Variants in CEP126 observed in about 807,000 individuals in gnomAD.
CEP126 encodes the protein centrosomal protein 126.
A neutral mutation model predicts 107.8 loss-of-function variants in CEP126; 74 were observed. The observed-to-expected ratio is 0.69, with a 90% CI of 0.57 to 0.83. The LOEUF is 0.83. Among genes scored for constraint, CEP126 ranks in the 40% least tolerant of loss-of-function variants. CEP126 has a pLI of 0.00. For missense variants in CEP126, 1,237 were observed against 1,281.9 expected (o/e 0.96, Z 0.53); for synonymous variants, 449 against 446.0 (o/e 1.01, Z -0.08).
intron 2 of CEP126, among the ~76,000 whole-genome samples, chr11:101,928,991 A>C (rs1293548697): frequency 1.3e-5 from 2 of 152,280 alleles, no homozygotes; most frequent in East Asian, 3.9e-4. Context: ...TGACATCTTC[A>C]CTATGTTGGA....
chr11:101,941,205 C>A (rs1940659447), intron 2 of CEP126, among the ~76,000 whole-genome samples: 2 of 152,108 alleles, frequency 1.3e-5, no homozygotes, highest in South Asian at 4.1e-4. Flanking sequence ...ACATTAAGTA[C>A]ATTCATATTG....
intron 8 of CEP126, among the ~76,000 whole-genome samples, 195 bp downstream of exon 8, chr11:101,982,159 T>C (rs1234941230): frequency 1.3e-5 from 2 of 152,238 alleles, no homozygotes; most frequent in Non-Finnish European, 2.9e-5. Context: ...AACATCTTTC[T>C]ACATCAAGTT....
At chr11:101,992,641 G>T in intron 9 of CEP126, 137 bp from the exon 10 acceptor site, 1 of 508,772 alleles carries the variant, frequency 2.0e-6, no homozygotes, top group Admixed American at 4.2e-5. Flanking sequence ...ACTATTTCTG[G>T]GGGTGACTGG....
intron 7 of CEP126, among the ~76,000 whole-genome samples, chr11:101,981,448 A>C (rs1941253036): frequency 6.6e-6 from 1 of 152,000 alleles, no homozygotes; most frequent in Non-Finnish European, 1.5e-5. Flanking sequence ...CACGTGCCAC[A>C]ACTCCTGGCT....
At chr11:101,934,777 C>T (rs1940551748) in intron 2 of CEP126, among the ~76,000 whole-genome samples, 1 of 152,000 alleles carries the variant, frequency 6.6e-6, no homozygotes, top group African/African-American at 2.4e-5. Flanking sequence ...TATTGATAGG[C>T]ATTGGGTTAT....
chr11:101,916,957 A>G (rs773811425), intron 1 of CEP126, among the ~76,000 whole-genome samples: 1 of 152,174 alleles, frequency 6.6e-6, no homozygotes, highest in Admixed American at 6.5e-5. Flanking sequence ...GGCTAAATAT[A>G]TAGTTAAAAT....
intron 2 of CEP126, among the ~76,000 whole-genome samples, chr11:101,934,448 C>T (rs1430464096): frequency 1.3e-5 from 2 of 151,970 alleles, no homozygotes; most frequent in Non-Finnish European, 2.9e-5. Flanking sequence ...TCCTCTAGTA[C>T]CCTGAATTCA....
At chr11:101,925,967 T>C (rs972436036) in intron 2 of CEP126, among the ~76,000 whole-genome samples, 1 of 151,536 alleles carries the variant, frequency 6.6e-6, no homozygotes, top group Non-Finnish European at 1.5e-5. Context: ...CCATACTATA[T>C]TAAAGAAAAT....
chr11:101,962,156 C>A lies in CEP126; in HGVS notation c.1121C>A (p.Pro374Gln). 1 of 1,613,276 alleles carries A rather than the reference C, an allele frequency of 6.2e-7. No individual in the cohort carries two copies. Among genetic ancestry groups the A allele is most frequent in the Non-Finnish European group, 8.5e-7 (1 of 1,179,698 alleles). ...AATTCAGTACCCTTTGTATCTAGCC[C>A]ACCCATGTTTGTACTAGATAAAAAA... is the stretch of plus-strand genomic sequence containing the variant. Reference protein sequence around the residue: ...ANNSVPFVSSPPMFVLDKKCE... With the variant: ...ANNSVPFVSSQPMFVLDKKCE... Residue 374 changes from proline (P) to glutamine (Q), a missense_variant, in exon 6 of 11, where the codon CCA becomes CAA. Pro to Gln is a moderately conservative substitution (Grantham distance 76). Coordinates refer to ENST00000263468, the MANE Select transcript of CEP126 (RefSeq NM_020802.4).
intron 7 of CEP126, among the ~76,000 whole-genome samples, chr11:101,979,948 C>A (rs1277838595): frequency 6.6e-6 from 1 of 151,968 alleles, no homozygotes; most frequent in Non-Finnish European, 1.5e-5. Flanking sequence ...TTTAATAAAA[C>A]TGGAATATTT....
rs745854138 is a variant in CEP126, at chr11:101,962,118, A to C, written c.1083A>C (p.Thr361=). 1 of 1,612,132 alleles carries C rather than the reference A, an allele frequency of 6.2e-7. No homozygotes were observed. Among genetic ancestry groups the C allele is most frequent in the Non-Finnish European group, 8.5e-7 (1 of 1,179,394 alleles). Residue 361 remains threonine, a synonymous_variant, in exon 6 of 11, where the codon ACA becomes ACC. Transcript: ENST00000263468. ...SPLNGTVERA[T]NTANNSVPFV... ...TGAATGGAACAGTGGAAAGAGCCAC[A>C]AATACTGCTAATAATTCAGTACCCT...
Position 101,962,896 on chromosome 11 carries a change from G to A in CEP126, c.1861G>A (p.Ala621Thr). 2 of 1,609,720 alleles carry A rather than the reference G, an allele frequency of 1.2e-6. No individual in the cohort carries two copies. The highest frequency in any genetic ancestry group is 1.7e-6 in the Non-Finnish European group (2 of 1,179,040). ...DSIELTKEKG[A>T]EIPKTIKKLR... Reference sequence around the variant, plus strand: ...TATTGAATTAACAAAGGAAAAAGGTGCAGAAATTCCAAAGACCATTAAAAA... The same window carrying A: ...TATTGAATTAACAAAGGAAAAAGGTACAGAAATTCCAAAGACCATTAAAAA... The change falls in exon 6 of 11, where the codon GCA (alanine) becomes ACA (threonine). Residue 621 changes from alanine to threonine, a missense_variant. Physicochemically the swap from Ala to Thr is moderately conservative, Grantham distance 58. Around this residue, in one of 3 missense-constraint regions of CEP126, gnomAD observed 1,134 missense variants for 1,150.5 expected, o/e 0.99. Coordinates refer to ENST00000263468, the MANE Select transcript of CEP126 (RefSeq NM_020802.4).
rs1325555341 is a variant in CEP126, at chr11:101,986,904, T to G, written c.3107T>G (p.Leu1036Arg). 2.5e-6 allele frequency: 4 copies of G among 1,613,906 alleles called. No homozygotes were observed. Residue 1036 changes from leucine to arginine, a missense_variant, in exon 9 of 11, where the codon CTG (leucine) becomes CGG (arginine). Leu to Arg is a moderately radical substitution (Grantham distance 102). Transcript: ENST00000263468. ...VKASVPEDEI[L>R]TVLNSKQIQK... Reference sequence around the variant, plus strand: ...GCATCAGTGCCGGAGGATGAGATTCTGACTGTCTTGAATAGCAAACAGATA... The same window carrying G: ...GCATCAGTGCCGGAGGATGAGATTCGGACTGTCTTGAATAGCAAACAGATA...
intron 4 of CEP126, among the ~76,000 whole-genome samples, chr11:101,954,990 G>A (rs1940865161): frequency 1.3e-5 from 2 of 152,044 alleles, no homozygotes; most frequent in South Asian, 4.1e-4. Context: ...GAAATAAGGG[G>A]CTTACAAAGA....
chr11:101,978,507 T>C, intron 7 of CEP126, 48 bp downstream of exon 7: 1 of 1,263,004 alleles, frequency 7.9e-7, no homozygotes, highest in Non-Finnish European at 1.1e-6. Context: ...TAAAAATTGC[T>C]TGGAAAACAG....
At chr11:101,926,065 C>T (rs1043783854) in intron 2 of CEP126, among the ~76,000 whole-genome samples, 1 of 152,010 alleles carries the variant, frequency 6.6e-6, no homozygotes, top group Non-Finnish European at 1.5e-5. Context: ...TACTAGGAAA[C>T]CCCAAGGTTT....
At chr11:101,984,908 G>C (rs993436314) in intron 8 of CEP126, among the ~76,000 whole-genome samples, 16 of 152,192 alleles carry the variant, frequency 1.1e-4, no homozygotes, top group African/African-American at 2.4e-5. Flanking sequence ...AAGATTGGAA[G>C]CCTGCCATTG....
chr11:101,944,233 T>C (rs1054005858), intron 2 of CEP126, 32 bp from the exon 3 acceptor site: 17 of 1,519,156 alleles, frequency 1.1e-5, no homozygotes, highest in Admixed American at 7.4e-5. Context: ...TTACCACCTA[T>C]TTCTGTTGCC....
intron 4 of CEP126, chr11:101,956,146 C>T: frequency 2.2e-6 from 1 of 456,650 alleles, no homozygotes; most frequent in South Asian, 1.5e-5. Flanking sequence ...TCATTCCTGA[C>T]CCTGAGTCAC....
Sources: gnomAD v4.1 joint callset for allele counts (sites outside exome capture counted in the v4.1 genomes callset) on GRCh38, gnomAD v4.1.1 for gene constraint, gnomAD v4.1.1 regional missense constraint, MANE v1.5 for transcripts, NCBI Gene and HGNC (gene_info 2026-07-23, HGNC 2026-07-21) for gene names.